The following TSHR variants were observed in gnomAD, a reference collection of about 807,000 sequenced individuals.
TSHR encodes the protein thyroid stimulating hormone receptor, also known as thyrotropin receptor.
Under a neutral mutation model 64.1 loss-of-function variants are expected in TSHR, and 51 were observed. The ratio of observed to expected loss-of-function variants is 0.80; its 90% CI spans 0.64 to 1.01. The LOEUF is 1.01. TSHR is among the 50% of genes least tolerant of loss of function. The pLI, the probability that TSHR is intolerant of heterozygous loss-of-function variation, is 0.00. For synonymous variants in TSHR, 361 were observed against 361.9 expected (o/e 1.00, Z 0.03); for missense variants, 877 against 942.8 (o/e 0.93, Z 0.91).
chr14:81,100,536 A>C (rs563653112), intron 7 of TSHR, among the ~76,000 whole-genome samples: 95 of 152,348 alleles, frequency 6.2e-4, no homozygotes, highest in African/African-American at 2.2e-3. Flanking sequence ...TCAGATCCAC[A>C]GGTTAAGGGC....
At chr14:81,111,458 T>C (rs1198208952) in intron 8 of TSHR, among the ~76,000 whole-genome samples, 1 of 152,174 alleles carries the variant, frequency 6.6e-6, no homozygotes, top group African/African-American at 2.4e-5. Context: ...CCTCTTTGGG[T>C]TCACATGCAA....
At chr14:80,956,450 T>C (rs1886693151) in intron 1 of TSHR, among the ~76,000 whole-genome samples, 2 of 152,166 alleles carry the variant, frequency 1.3e-5, no homozygotes, top group South Asian at 4.1e-4. Flanking sequence ...TATAAAGAAA[T>C]GAAATTTCAT....
At chr14:81,134,909 T>C (rs753469470) in intron 8 of TSHR, among the ~76,000 whole-genome samples, 13 of 152,146 alleles carry the variant, frequency 8.5e-5, no homozygotes, top group African/African-American at 1.2e-4. Context: ...TACACCTTCA[T>C]GAAATGTCAC....
chr14:81,115,388 A>C, intron 8 of TSHR, among the ~76,000 whole-genome samples: 1 of 145,342 alleles, frequency 6.9e-6, no homozygotes. Context: ...AGAATGCAGA[A>C]GCCTCAGGAG....
intron 1 of TSHR, among the ~76,000 whole-genome samples, chr14:80,968,139 G>A (rs1256817926): frequency 6.6e-6 from 1 of 152,164 alleles, no homozygotes; most frequent in Non-Finnish European, 1.5e-5. Context: ...GTGTGGTACA[G>A]GGCTGAGATG....
intron 2 of TSHR, among the ~76,000 whole-genome samples, chr14:81,066,450 G>A (rs1346919422): frequency 6.6e-6 from 1 of 152,168 alleles, no homozygotes; most frequent in Non-Finnish European, 1.5e-5. Flanking sequence ...TTATCTGCAA[G>A]AGGCAAAGGG....
intron 8 of TSHR, among the ~76,000 whole-genome samples, chr14:81,129,584 G>C (rs10140322): frequency 0.5 from 76,547 of 151,976 alleles, 22,200 homozygotes; most frequent in African/African-American, 0.8. Flanking sequence ...CCCTCTCCCA[G>C]TCTGTTGGAT....
intron 8 of TSHR, among the ~76,000 whole-genome samples, chr14:81,129,719 T>C (rs1264833631): frequency 1.3e-5 from 2 of 152,192 alleles, no homozygotes; most frequent in Non-Finnish European, 2.9e-5. Context: ...ACTCCTCATG[T>C]CCCACTACCA....
intron 7 of TSHR, chr14:81,102,808 ACT>A (rs1177296416): frequency 4.1e-6 from 4 of 985,256 alleles, no homozygotes; most frequent in Non-Finnish European, 4.8e-6. Context: ...CGAAATATGT[ACT>A]CTGTTTCTCT....
At chr14:81,121,173 T>C (rs186354163) in intron 8 of TSHR, among the ~76,000 whole-genome samples, 15 of 148,804 alleles carry the variant, frequency 1.0e-4, no homozygotes, top group Non-Finnish European at 2.2e-4. Context: ...AGAACCCATA[T>C]GGCAAAAAAA....
At chr14:81,078,215 C>T (rs538510257) in intron 3 of TSHR, among the ~76,000 whole-genome samples, 50 of 152,256 alleles carry the variant, frequency 3.3e-4, no homozygotes, top group African/African-American at 1.1e-3. Flanking sequence ...TGTGGTTCTA[C>T]TGGCAGCAAA....
chr14:81,136,126 G>C (rs1321889579), intron 8 of TSHR, among the ~76,000 whole-genome samples: 1 of 152,232 alleles, frequency 6.6e-6, no homozygotes, highest in African/African-American at 2.4e-5. Flanking sequence ...GGCATGGTAG[G>C]AAGCGTGGAT....
chr14:80,982,742 C>A, intron 1 of TSHR: 1 of 743,682 alleles, frequency 1.3e-6, no homozygotes, highest in Non-Finnish European at 2.1e-6. Context: ...TTGGCCTCAG[C>A]TGAAGAAAAT....
intron 1 of TSHR, among the ~76,000 whole-genome samples, chr14:81,059,778 A>G (rs1460748416): frequency 1.3e-5 from 2 of 152,114 alleles, no homozygotes; most frequent in Non-Finnish European, 2.9e-5. Context: ...TGGGAAAAAT[A>G]TCTTGTTTGT....
chr14:80,991,680 G>A, intron 1 of TSHR: 2 of 398,044 alleles, frequency 5.0e-6, no homozygotes, highest in Non-Finnish European at 8.9e-6. Context: ...AAAGTTACCA[G>A]ATAACAACAA....
chr14:81,109,309 C>T (rs2371469), intron 8 of TSHR, among the ~76,000 whole-genome samples: 82,346 of 151,384 alleles, frequency 0.54, 23,856 homozygotes, highest in Middle Eastern at 0.66. Context: ...CTTGGGAGGC[C>T]GAGGCAGGAG....
rs1887098438 is a variant in TSHR at position 80,962,730 on chromosome 14, T to C, written c.170+6880T>C. Among the ~76,000 whole-genome samples the C allele has an allele frequency of 2.0e-5, 3 of 152,244 alleles. No individual in the cohort carries two copies. The South Asian group carries it at 6.2e-4, about 31-fold the overall frequency. ...AGGAATATCAGAGTGACTATGCAGA[T>C]GGAGGCCAAACTAGCTTCTTCCCTA... On this transcript the variant is annotated intron_variant, in intron 1 of 9. Coordinates refer to ENST00000298171, the MANE Select transcript of TSHR (RefSeq NM_000369.5).
intron 3 of TSHR, among the ~76,000 whole-genome samples, chr14:81,073,021 A>AAAAAAAAT (rs1566794433): frequency 4.1e-4 from 20 of 48,570 alleles, no homozygotes; most frequent in African/African-American, 9.8e-4. Context: ...ATAAAAAATA[A>AAAAAAAAT]ATATATATAT....
chr14:81,134,860 G>T (rs76711242), intron 8 of TSHR, among the ~76,000 whole-genome samples: 6 of 152,136 alleles, frequency 3.9e-5, no homozygotes, highest in African/African-American at 1.4e-4. Context: ...TCTTCCCCCA[G>T]TGCCCATTAT....
Sources: gnomAD v4.1 joint callset for allele counts (sites outside exome capture counted in the v4.1 genomes callset) on GRCh38, gnomAD v4.1.1 for gene constraint, MANE v1.5 for transcripts, NCBI Gene and HGNC (gene_info 2026-07-23, HGNC 2026-07-21) for gene names.